The following SPI1 variants were observed in gnomAD, a reference collection of about 807,000 sequenced individuals.
The protein encoded by SPI1 is Spi-1 proto-oncogene, also known as transcription factor PU.1.
Under a neutral mutation model 30.7 loss-of-function variants are expected in SPI1, and 3 were observed. The observed-to-expected ratio is 0.10, with a 90% CI of 0.04 to 0.25. The LOEUF (loss-of-function observed/expected upper bound fraction) is 0.25, where lower values mean the gene tolerates loss of function less well. Among genes scored for constraint, SPI1 ranks in the 10% least tolerant of loss-of-function variants. The pLI is 1.00. For synonymous variants in SPI1, 169 were observed against 157.1 expected (o/e 1.08, Z -0.56); for missense variants, 261 against 371.5 (o/e 0.70, Z 2.45).
chr11:47,368,804 C>T (rs911856327), intron 2 of SPI1, among the ~76,000 whole-genome samples: 12 of 151,928 alleles, frequency 7.9e-5, no homozygotes, highest in African/African-American at 2.2e-4. Flanking sequence ...ACAGAGTCTC[C>T]GTTTTGCAAG....
intron 4 of SPI1, 57 bp from the exon 5 acceptor site, chr11:47,355,603 C>T: frequency 6.2e-6 from 9 of 1,445,122 alleles, no homozygotes; most frequent in South Asian, 4.1e-5. Context: ...GAGCCGCCCC[C>T]ACCGCCTTGC....
At position 47,374,864 on chromosome 11, in the gene SPI1, A is replaced by G. The variant is rs1023043479; in HGVS notation, c.142+769T>C. 5.3e-5 allele frequency among the ~76,000 whole-genome samples: 8 copies of G among 152,244 alleles called. No homozygotes were observed. Among genetic ancestry groups the G allele is most frequent in the Admixed American group, 4.6e-4 (7 of 15,282 alleles). The stretch of plus-strand genomic sequence containing the variant: ...TCAGACCCAGAAGGACTGGACAGAC[A>G]GAAGGACACCCTGGCCCAGGCCTCT... On this transcript the variant is annotated intron_variant, in intron 2 of 4. Transcript: ENST00000378538. The surrounding 1 kb of genome is among the most constrained non-coding windows in gnomAD (Gnocchi z 4.5).
intron 2 of SPI1, among the ~76,000 whole-genome samples, chr11:47,365,495 C>G (rs2095926871): frequency 6.6e-6 from 1 of 152,172 alleles, no homozygotes; most frequent in Non-Finnish European, 1.5e-5. Context: ...GTGGCCACTA[C>G]AGTATAATCT....
intron 1 of SPI1, among the ~76,000 whole-genome samples, chr11:47,376,308 C>G (rs923335914): frequency 2.6e-5 from 4 of 152,062 alleles, no homozygotes; most frequent in Non-Finnish European, 5.9e-5. Flanking sequence ...CACACACTCA[C>G]ACCCCCAGAG....
chr11:47,371,637 A>G (rs1360488543), intron 2 of SPI1, among the ~76,000 whole-genome samples: 4 of 149,870 alleles, frequency 2.7e-5, no homozygotes, highest in Non-Finnish European at 5.9e-5. Flanking sequence ...ACTGCACTCC[A>G]GCCTGGGCAA....
intron 2 of SPI1, among the ~76,000 whole-genome samples, chr11:47,364,949 A>T (rs115075147): frequency 1.3e-5 from 2 of 152,286 alleles, no homozygotes; most frequent in South Asian, 4.1e-4. Flanking sequence ...GAAGGCTGCA[A>T]CTGAGACTCC....
In SPI1 at chr11:47,355,558, A is replaced by AGGGCCCGGTGGGAGGGGGCCC; in HGVS notation, c.494-33_494-13dup. 1 of 1,473,400 alleles carries AGGGCCCGGTGGGAGGGGGCCC rather than the reference A, an allele frequency of 6.8e-7. No individual in the cohort carries two copies. Among genetic ancestry groups the AGGGCCCGGTGGGAGGGGGCCC allele is most frequent in the South Asian group, 1.2e-5 (1 of 81,456 alleles). 91.3% of individuals were successfully genotyped at this position (1,473,400 alleles called of 1,614,324 possible). Reference sequence around the variant, plus strand: ...CTTCTTCTTGCTGCCTGCGGGGGGGAGGGCCCGGTGGGAGGGGGCCCGGGG... The same window carrying AGGGCCCGGTGGGAGGGGGCCC: ...CTTCTTCTTGCTGCCTGCGGGGGGGAGGGCCCGGTGGGAGGGGGCCCGGGCCCGGTGGGAGGGGGCCCGGGG... On this transcript the variant is annotated splice_polypyrimidine_tract_variant and intron_variant, in intron 4 of 4. Transcript: ENST00000378538.
intron 2 of SPI1, among the ~76,000 whole-genome samples, chr11:47,363,353 T>G (rs907840662): frequency 2.6e-5 from 4 of 152,078 alleles, no homozygotes; most frequent in African/African-American, 9.7e-5. Context: ...AAACCCCGTC[T>G]CTACTGAAAA....
intron 2 of SPI1, among the ~76,000 whole-genome samples, chr11:47,361,707 G>A (rs551987849): frequency 3.2e-4 from 48 of 152,272 alleles, no homozygotes; most frequent in African/African-American, 1.0e-3. Flanking sequence ...GTGTACAAAG[G>A]TGTACACATG....
At chr11:47,357,382 T>C (rs2095912857) in intron 4 of SPI1, among the ~76,000 whole-genome samples, 1 of 151,884 alleles carries the variant, frequency 6.6e-6, no homozygotes, top group Non-Finnish European at 1.5e-5. Context: ...TCACACCTGC[T>C]CACGCATGCA....
chr11:47,372,160 A>C (rs1204192390), intron 2 of SPI1, among the ~76,000 whole-genome samples: 1 of 148,430 alleles, frequency 6.7e-6, no homozygotes, highest in African/African-American at 2.5e-5. Flanking sequence ...GTTGGAGTTC[A>C]GTGGCGCGAT....
rs2095941076 is a variant in SPI1 at position 47,375,542 on chromosome 11, G to A, written c.142+91C>T. The A allele has an allele frequency of 9.7e-7, 1 of 1,028,892 alleles. No homozygotes were observed. Among genetic ancestry groups the A allele is most frequent in the African/African-American group, 1.6e-5 (1 of 62,916 alleles). The allele number at this position is 1,028,892 out of a possible 1,614,324, so 63.7% of individuals were successfully genotyped here. ...ATCTGATTCTCAGAATTCCAAAGAA[G>A]TCCTGGGAATCATTTATTCTTTTTC... On this transcript the variant is annotated intron_variant, in intron 2 of 4. Transcript: ENST00000378538. This position sits in a 1 kb window ranked among gnomAD's most constrained non-coding sequence, Gnocchi z 4.2.
At chr11:47,355,613 C>G (rs1010216735) in intron 4 of SPI1, 67 bp from the exon 5 acceptor site, 14 of 1,383,478 alleles carry the variant, frequency 1.0e-5, no homozygotes, top group Non-Finnish European at 1.3e-5. Flanking sequence ...CACCGCCTTG[C>G]GTACGCACAG....
chr11:47,371,437 TAGG>T (rs1282250383), intron 2 of SPI1, among the ~76,000 whole-genome samples: 1 of 3,826 alleles, frequency 2.6e-4, no homozygotes, highest in East Asian at 9.1e-3. Flanking sequence ...GAAGCCAAGG[TAGG>T]AGGATCACCT....
chr11:47,367,996 G>A (rs1026575359), intron 2 of SPI1, among the ~76,000 whole-genome samples: 5 of 151,988 alleles, frequency 3.3e-5, no homozygotes, highest in East Asian at 1.9e-4. Context: ...CTTGTGATCC[G>A]CCTGCCTCAG....
At position 47,355,249 on chromosome 11, in the gene SPI1, T is replaced by G; in HGVS notation, c.791A>C (p.Glu264Ala). ...GGCTCAGTGGGGCGGGTGGCGCCGC[T>G]CGGCCAGGCCCCCGCGGCCCAGCAC... ...GEVLGRGGLA[E>A]RRHPPH Residue 264 changes from glutamate to alanine, a missense_variant, in exon 5 of 5, where the codon GAG becomes GCG. Transcript: ENST00000378538. 1 of 1,447,400 alleles carries G rather than the reference T, an allele frequency of 6.9e-7. No individual in the cohort carries two copies. The allele number at this position is 1,447,400 out of a possible 1,614,324, so 89.7% of individuals were successfully genotyped here.
At chr11:47,370,686 A>C (rs1004867069) in intron 2 of SPI1, among the ~76,000 whole-genome samples, 2 of 152,226 alleles carry the variant, frequency 1.3e-5, no homozygotes, top group Non-Finnish European at 2.9e-5. Context: ...TAGGCGACAG[A>C]GTGAGACTGT....
intron 4 of SPI1, chr11:47,358,536 G>GTACCTGTGCACACGCACCCT: frequency 1.5e-6 from 1 of 687,952 alleles, no homozygotes; most frequent in Non-Finnish European, 2.7e-6. Flanking sequence ...ACATGCACCT[G>GTACCTGTGCACACGCACCCT]CCCGTACCTG....
rs1366152521 is a variant in SPI1, at chr11:47,355,221, G to A, written c.*6C>T. 5.1e-6 allele frequency: 7 copies of A among 1,363,262 alleles called. No homozygotes were observed. Among genetic ancestry groups the A allele is most frequent in the Non-Finnish European group, 6.6e-6 (7 of 1,064,432 alleles). The allele number at this position is 1,363,262 out of a possible 1,614,324, so 84.4% of individuals were successfully genotyped here. On this transcript the variant is annotated 3_prime_UTR_variant, in exon 5 of 5. Coordinates refer to ENST00000378538, the MANE Select transcript of SPI1 (RefSeq NM_003120.3). ...GGCCTGGCGGGGCCCGGCGGGGGCT[G>A]CGGGCTCAGTGGGGCGGGTGGCGCC...
Sources: gnomAD v4.1 joint callset for allele counts (sites outside exome capture counted in the v4.1 genomes callset) on GRCh38, gnomAD v4.1.1 for gene constraint, Gnocchi (gnomAD v3.1) non-coding constraint, MANE v1.5 for transcripts, NCBI Gene and HGNC (gene_info 2026-07-23, HGNC 2026-07-21) for gene names.